NDUFA5: variants seen among roughly 807,000 people sequenced by gnomAD.
NDUFA5 encodes NADH dehydrogenase [ubiquinone] 1 alpha subcomplex subunit 5.
In NDUFA5, 11 loss-of-function variants were observed where a neutral mutation model predicts 19.8. That is an observed-to-expected ratio of 0.56 (90% CI 0.35 to 0.92). The LOEUF (loss-of-function observed/expected upper bound fraction) is 0.92. Ranked by LOEUF, NDUFA5 falls within the 40% of genes least tolerant of loss-of-function variation. NDUFA5 has a pLI of 0.01. For missense variants in NDUFA5, 109 were observed against 134.2 expected (o/e 0.81, Z 0.93); for synonymous variants, 47 against 46.8 (o/e 1.00, Z -0.01).
At chr7:123,586,797 G>A in the NDUFA5 span, among the ~76,000 whole-genome samples, 1 of 151,604 alleles carries the variant, frequency 6.6e-6, no homozygotes, top group African/African-American at 2.4e-5. Flanking sequence ...ATGATTTATT[G>A]AAAAGACTAT....
chr7:123,559,495 TCAA>T (rs1243485527), upstream of NDUFA5, among the ~76,000 whole-genome samples: 1 of 151,816 alleles, frequency 6.6e-6, no homozygotes, highest in Non-Finnish European at 1.5e-5. Flanking sequence ...GACAAAGAAA[TCAA>T]CAAGAAACAA....
At chr7:123,543,667 A>G (rs1007074298) in intron 4 of NDUFA5, among the ~76,000 whole-genome samples, 1 of 152,214 alleles carries the variant, frequency 6.6e-6, no homozygotes, top group Non-Finnish European at 1.5e-5. Flanking sequence ...TGCACAGCTG[A>G]CTTAAAAATA....
At chr7:123,572,151 TTTTTTTTTG>T in the NDUFA5 span, among the ~76,000 whole-genome samples, 1 of 132,648 alleles carries the variant, frequency 7.5e-6, no homozygotes, top group Non-Finnish European at 1.6e-5. Context: ...TTTTTTTTTT[TTTTTTTTTG>T]GAGACAGAGT....
At chr7:123,550,924 T>TTTTC (rs1249361647) in intron 2 of NDUFA5, among the ~76,000 whole-genome samples, 2 of 152,072 alleles carry the variant, frequency 1.3e-5, no homozygotes, top group African/African-American at 2.4e-5. Flanking sequence ...AAATCAGTAT[T>TTTTC]TTTCTTTCTT....
At chr7:123,591,992 A>G in the NDUFA5 span, among the ~76,000 whole-genome samples, 2 of 152,148 alleles carry the variant, frequency 1.3e-5, no homozygotes, top group African/African-American at 4.8e-5. Context: ...TTATTGGTCT[A>G]TTCAGAGATT....
At chr7:123,571,575 T>C in the NDUFA5 span, among the ~76,000 whole-genome samples, 1 of 152,172 alleles carries the variant, frequency 6.6e-6, no homozygotes, top group African/African-American at 2.4e-5. Context: ...AGCCAAAATA[T>C]GGGTTCAATT....
At chr7:123,599,568 T>G in the NDUFA5 span, among the ~76,000 whole-genome samples, 29 of 152,308 alleles carry the variant, frequency 1.9e-4, no homozygotes, top group African/African-American at 6.7e-4. Flanking sequence ...GCCTAAAATA[T>G]GAAGGCCAAG....
chr7:123,560,325 G>C (rs1798673045), upstream of NDUFA5, among the ~76,000 whole-genome samples: 1 of 152,160 alleles, frequency 6.6e-6, no homozygotes, highest in Admixed American at 6.6e-5. Context: ...GGAAATATTA[G>C]CTAAGGGAAT....
chr7:123,592,497 T>C, the NDUFA5 span, among the ~76,000 whole-genome samples: 11 of 152,216 alleles, frequency 7.2e-5, no homozygotes, highest in African/African-American at 2.4e-4. Context: ...TTTGTTCTCA[T>C]TGATTTCAAA....
At chr7:123,585,771 ACT>A in the NDUFA5 span, among the ~76,000 whole-genome samples, 1 of 151,290 alleles carries the variant, frequency 6.6e-6, no homozygotes, top group East Asian at 1.9e-4. Flanking sequence ...TATAACTGAA[ACT>A]CTGTTTCTAT....
rs773727355 is a variant in NDUFA5 at position 123,556,739 on chromosome 7, A to AG, written c.66+664_66+665insC. On this transcript the variant is annotated intron_variant, in intron 2 of 4. Coordinates refer to ENST00000355749, the MANE Select transcript of NDUFA5 (RefSeq NM_005000.5). The stretch of plus-strand genomic sequence containing the variant: ...GAAAAAGTGTCAAATGTGTCAAAAA[A>AG]CGCTGCTATTAGGTCAATGAAGGTG... 3.6e-5 allele frequency: 15 copies of AG among 418,330 alleles called. No individual in the cohort carries two copies. The Admixed American group carries it at 4.8e-4, about 13-fold the overall frequency. 25.9% of individuals were successfully genotyped at this position (418,330 alleles called of 1,614,324 possible).
the NDUFA5 span, among the ~76,000 whole-genome samples, chr7:123,582,700 A>G: frequency 2.6e-5 from 4 of 151,890 alleles, no homozygotes; most frequent in Admixed American, 2.6e-4. Flanking sequence ...TCAAGACTTT[A>G]TATCGTCTAA....
chr7:123,597,998 G>A, the NDUFA5 span, among the ~76,000 whole-genome samples: 2 of 145,442 alleles, frequency 1.4e-5, no homozygotes, highest in Non-Finnish European at 3.0e-5. Flanking sequence ...AGCCTTCTTA[G>A]GTCTCATCTC....
At chr7:123,561,060 T>G (rs1798681531), upstream of NDUFA5, among the ~76,000 whole-genome samples, 1 of 152,246 alleles carries the variant, frequency 6.6e-6, no homozygotes, top group Admixed American at 6.5e-5. Context: ...AATAGACATT[T>G]CTTATTTAAT....
chr7:123,545,745 TA>T, intron 3 of NDUFA5, 69 bp from the exon 4 acceptor site: 1 of 985,206 alleles, frequency 1.0e-6, no homozygotes, highest in Non-Finnish European at 1.5e-6. Context: ...CTATATATTT[TA>T]AAATTCCTAT....
chr7:123,570,506 G>A, the NDUFA5 span, among the ~76,000 whole-genome samples: 1 of 151,874 alleles, frequency 6.6e-6, no homozygotes, highest in Non-Finnish European at 1.5e-5. Context: ...CTTTATTTCT[G>A]GAATGATCTG....
chr7:123,571,869 A>G, the NDUFA5 span, among the ~76,000 whole-genome samples: 13 of 152,010 alleles, frequency 8.6e-5, no homozygotes, highest in Non-Finnish European at 1.8e-4. Context: ...GGCCCGAGTG[A>G]TCCTCCTGTT....
chr7:123,572,094 C>CT, the NDUFA5 span, among the ~76,000 whole-genome samples: 7 of 105,704 alleles, frequency 6.6e-5, no homozygotes. Flanking sequence ...GACCAGTTGT[C>CT]TTGTTTTACA....
chr7:123,558,103 A>C, upstream of NDUFA5: 1 of 512,978 alleles, frequency 1.9e-6, no homozygotes. Context: ...ACTCCCAACT[A>C]CCAAAAAACT....
Sources: allele counts gnomAD v4.1 joint callset (sites outside exome capture counted in the v4.1 genomes callset), GRCh38; gene constraint gnomAD v4.1.1; transcripts MANE v1.5; gene names NCBI Gene and HGNC (gene_info 2026-07-23, HGNC 2026-07-21).